CACNA2D3: variants seen among roughly 807,000 people sequenced by gnomAD.
CACNA2D3 encodes calcium voltage-gated channel auxiliary subunit alpha2delta 3.
A neutral mutation model predicts 160.6 loss-of-function variants in CACNA2D3; 60 were observed. The ratio of observed to expected loss-of-function variants is 0.37; its 90% CI spans 0.30 to 0.46. CACNA2D3 has a LOEUF of 0.46. Ranked by LOEUF, CACNA2D3 falls within the 20% of genes least tolerant of loss-of-function variation. The probability of loss-of-function intolerance (pLI) is 1.00; values close to 1 mark genes in which losing one functional copy is unlikely to be tolerated. For synonymous variants in CACNA2D3, 558 were observed against 492.9 expected, an observed-to-expected ratio of 1.13 and a Z score of -1.75; for missense variants, 1,205 against 1,365.0, an observed-to-expected ratio of 0.88 and a Z score of 1.85.
chr3:54,281,768 G>T (rs1243662202), intron 2 of CACNA2D3, among the ~76,000 whole-genome samples: 2 of 152,192 alleles, frequency 1.3e-5, no homozygotes, highest in Admixed American at 1.3e-4. Context: ...ATATTAGGAG[G>T]TGAGCTGGAT....
intron 2 of CACNA2D3, among the ~76,000 whole-genome samples, chr3:54,153,292 C>T (rs1372830112): frequency 1.3e-5 from 2 of 152,200 alleles, no homozygotes; most frequent in Non-Finnish European, 2.9e-5. Flanking sequence ...AAGTCAATGT[C>T]AGCAGCCTGC....
chr3:54,503,439 TCA>T, intron 4 of CACNA2D3, 51 bp from the exon 5 acceptor site: 1 of 1,563,514 alleles, frequency 6.4e-7, no homozygotes, highest in Non-Finnish European at 8.8e-7. Flanking sequence ...CTAAGTGAGT[TCA>T]CAGCCCTCTT....
intron 35 of CACNA2D3, among the ~76,000 whole-genome samples, chr3:55,050,079 A>T (rs1173260523): frequency 6.6e-6 from 1 of 151,608 alleles, no homozygotes; most frequent in African/African-American, 2.4e-5. Flanking sequence ...TGTGTCTTTT[A>T]ATTGGAGCAT....
chr3:54,822,002 C>G (rs1169888960), intron 14 of CACNA2D3, among the ~76,000 whole-genome samples: 1 of 152,080 alleles, frequency 6.6e-6, no homozygotes, highest in East Asian at 1.9e-4. Flanking sequence ...TAAACTGATG[C>G]AAATGAAGTG....
In CACNA2D3 at chr3:54,148,209, A is replaced by G. The variant is rs540712109; in HGVS notation, c.204+24615A>G. On this transcript the variant is annotated intron_variant, in intron 2 of 37. Transcript: ENST00000474759. ...CTTCATTCTTGCTACCCTTCCATAT[A>G]CTACATACAGTGCTGGGATGCAGAG... Among the ~76,000 whole-genome samples, 209 of 152,278 alleles carry G rather than the reference A, an allele frequency of 1.4e-3. 15 individuals are homozygous for G. The South Asian group carries it at 0.043, about 31-fold the overall frequency.
At chr3:54,333,682 A>T (rs748918703) in intron 3 of CACNA2D3, among the ~76,000 whole-genome samples, 21 of 151,682 alleles carry the variant, frequency 1.4e-4, no homozygotes, top group Non-Finnish European at 2.5e-4. Context: ...GCTGGGAGAA[A>T]GCCCGAGAAG....
chr3:54,791,250 G>T (rs7649955), intron 13 of CACNA2D3, among the ~76,000 whole-genome samples: 40,496 of 152,114 alleles, frequency 0.27, 5,909 homozygotes, highest in African/African-American at 0.38. Flanking sequence ...TGATACAGAT[G>T]TGGGTTACAC....
At chr3:54,615,087 C>G (rs1698822435) in intron 9 of CACNA2D3, among the ~76,000 whole-genome samples, 1 of 152,202 alleles carries the variant, frequency 6.6e-6, no homozygotes, top group African/African-American at 2.4e-5. Context: ...GGTTCTTCAG[C>G]TGACTTAACA....
At chr3:54,444,458 A>G (rs554795596) in intron 4 of CACNA2D3, among the ~76,000 whole-genome samples, 198 of 152,294 alleles carry the variant, frequency 1.3e-3, no homozygotes, top group African/African-American at 4.6e-3. Flanking sequence ...TTGCAACCAA[A>G]GAACCCTGGT....
rs748003506 is a variant in CACNA2D3 at position 54,987,678 on chromosome 3, C to T, written c.2620-5C>T. On this transcript the variant is annotated splice_region_variant and splice_polypyrimidine_tract_variant and intron_variant, in intron 30 of 37. Coordinates refer to ENST00000474759, the MANE Select transcript of CACNA2D3 (RefSeq NM_018398.3). ...ACACCTCCTCATATGTCTTCTTCCCCATAGACTGGAGACTTTTTTGGTGAG... is the reference window on the plus strand; with the variant it reads ...ACACCTCCTCATATGTCTTCTTCCCTATAGACTGGAGACTTTTTTGGTGAG... 1.3e-6 allele frequency: 2 copies of T among 1,597,802 alleles called. No homozygotes were observed. Among genetic ancestry groups the T allele is most frequent in the East Asian group, 2.2e-5 (1 of 44,640 alleles).
At chr3:54,727,825 T>C (rs754625694) in intron 11 of CACNA2D3, among the ~76,000 whole-genome samples, 2 of 152,076 alleles carry the variant, frequency 1.3e-5, no homozygotes, top group African/African-American at 2.4e-5. Context: ...GGTTGATGGG[T>C]GTAGCAAACT....
intron 2 of CACNA2D3, among the ~76,000 whole-genome samples, chr3:54,265,702 T>C (rs13099763): frequency 1.3e-5 from 2 of 150,668 alleles, no homozygotes; most frequent in African/African-American, 4.9e-5. Context: ...TGGGTATATA[T>C]AGTGTGTTTA....
chr3:54,611,842 T>C (rs573279), intron 9 of CACNA2D3, among the ~76,000 whole-genome samples: 37,197 of 152,212 alleles, frequency 0.24, 4,974 homozygotes, highest in East Asian at 0.52. Context: ...ATTGGAGTTA[T>C]GTGGCATTTT....
At chr3:54,613,518 A>G (rs538785688) in intron 9 of CACNA2D3, among the ~76,000 whole-genome samples, 1 of 152,256 alleles carries the variant, frequency 6.6e-6, no homozygotes, top group East Asian at 1.9e-4. Flanking sequence ...CTGTTTACTC[A>G]TGGTCCACTG....
chr3:54,762,901 C>T (rs914012156), intron 12 of CACNA2D3, among the ~76,000 whole-genome samples: 23 of 152,138 alleles, frequency 1.5e-4, no homozygotes, highest in East Asian at 9.7e-4. Flanking sequence ...ACTGTCCTAG[C>T]TAACACGGTG....
chr3:54,567,662 A>G (rs889870711), intron 6 of CACNA2D3, among the ~76,000 whole-genome samples: 1 of 152,106 alleles, frequency 6.6e-6, no homozygotes, highest in East Asian at 1.9e-4. Context: ...CAACCTGCCA[A>G]GTAGCTGGGA....
At chr3:54,489,469 G>A (rs1195038629) in intron 4 of CACNA2D3, among the ~76,000 whole-genome samples, 4 of 152,224 alleles carry the variant, frequency 2.6e-5, no homozygotes, top group Non-Finnish European at 5.9e-5. Context: ...GCCCACAAAA[G>A]GGTAGTTTTA....
intron 10 of CACNA2D3, chr3:54,639,913 ACAGTC>A (rs1203246415): frequency 6.6e-6 from 1 of 152,298 alleles, no homozygotes; most frequent in African/African-American, 2.4e-5. Context: ...AAGGAAAATT[ACAGTC>A]AAAGGGGGTT....
At chr3:54,230,129 G>GTTT (rs10663453) in intron 2 of CACNA2D3, among the ~76,000 whole-genome samples, 2,756 of 143,494 alleles carry the variant, frequency 0.019, 34 homozygotes, top group African/African-American at 0.03. Context: ...TCATTTAATT[G>GTTT]TTTTTTTTTT....
Sources: gnomAD v4.1 joint callset for allele counts (sites outside exome capture counted in the v4.1 genomes callset) on GRCh38, gnomAD v4.1.1 for gene constraint, MANE v1.5 for transcripts, NCBI Gene and HGNC (gene_info 2026-07-23, HGNC 2026-07-21) for gene names.